The following C2orf49 variants were observed in gnomAD, a reference collection of about 807,000 sequenced individuals.
The protein encoded by C2orf49 is tRNA-splicing ligase complex subunit ASW.
A neutral mutation model predicts 20.6 loss-of-function variants in C2orf49; 11 were observed. The ratio of observed to expected loss-of-function variants is 0.53; its 90% confidence interval spans 0.34 to 0.88. C2orf49 has a LOEUF of 0.88. Ranked by LOEUF, C2orf49 falls within the 40% of genes least tolerant of loss-of-function variation. The probability of loss-of-function intolerance (pLI) is 0.02; values close to 1 mark genes in which losing one functional copy is unlikely to be tolerated. For missense variants in C2orf49, 289 were observed against 274.2 expected (o/e 1.05, Z -0.38); for synonymous variants, 134 against 108.5 (o/e 1.24, Z -1.46).
At position 105,345,353 on chromosome 2, in the gene C2orf49, A is replaced by C; in HGVS notation, c.681A>C (p.Gln227His). The C allele has an allele frequency of 1.2e-6, 2 of 1,613,402 alleles. No individual in the cohort carries two copies. Among genetic ancestry groups the C allele is most frequent in the Non-Finnish European group, 1.7e-6 (2 of 1,179,792 alleles). Reference sequence around the variant, plus strand: ...CCCCACAAGCAAAAAGGAAGATACAACATGTTACTTGGCCCTGAAGAAAAG... The same window carrying C: ...CCCCACAAGCAAAAAGGAAGATACACCATGTTACTTGGCCCTGAAGAAAAG... The part of the protein sequence containing the change: ...LKPPQAKRKI[Q>H]HVTWP Residue 227 changes from glutamine to histidine, a missense_variant, in exon 4 of 4, where the codon CAA becomes CAC. By Grantham distance (24) the Gln-to-His change is conservative. Coordinates refer to ENST00000258457, the MANE Select transcript of C2orf49 (RefSeq NM_024093.3).
At chr2:105,352,669 C>T (rs756944310), downstream of C2orf49, among the ~76,000 whole-genome samples, 18 of 152,004 alleles carry the variant, frequency 1.2e-4, no homozygotes, top group Non-Finnish European at 2.6e-4. Context: ...TGTTCTCGAT[C>T]TCCTGACCTT....
intron 3 of C2orf49, among the ~76,000 whole-genome samples, chr2:105,344,018 G>A (rs1679745588): frequency 6.6e-6 from 1 of 152,012 alleles, no homozygotes; most frequent in African/African-American, 2.4e-5. Context: ...TTCTAAAATA[G>A]TAGACTGGAA....
intron 2 of C2orf49, among the ~76,000 whole-genome samples, chr2:105,342,224 T>C (rs991535603): frequency 6.6e-6 from 1 of 152,258 alleles, no homozygotes; most frequent in Non-Finnish European, 1.5e-5. Flanking sequence ...ATAGATATTA[T>C]CTGAGGTATA....
the C2orf49 span, among the ~76,000 whole-genome samples, chr2:105,356,203 C>G: frequency 6.6e-6 from 1 of 152,244 alleles, no homozygotes; most frequent in South Asian, 2.1e-4. Context: ...CGAGCCTGGC[C>G]AACGTGGTGA....
the C2orf49 span, chr2:105,377,829 G>GT: frequency 2.9e-6 from 1 of 344,000 alleles, no homozygotes; most frequent in South Asian, 2.3e-5. Flanking sequence ...TAGGCGCCAG[G>GT]GAGAGGGGAG....
At chr2:105,370,779 C>T in the C2orf49 span, among the ~76,000 whole-genome samples, 13 of 152,162 alleles carry the variant, frequency 8.5e-5, no homozygotes, top group Non-Finnish European at 1.8e-4. Context: ...TTCTTCTAGA[C>T]GCCCTGCCTT....
At position 105,337,652 on chromosome 2, in the gene C2orf49, T is replaced by G; in HGVS notation, c.65T>G (p.Leu22Arg). 1 of 1,474,812 alleles carries G rather than the reference T, an allele frequency of 6.8e-7. No individual in the cohort carries two copies. Among genetic ancestry groups the G allele is most frequent in the South Asian group, 1.1e-5 (1 of 89,188 alleles). The allele number at this position is 1,474,812 out of a possible 1,614,324, so 91.4% of individuals were successfully genotyped here. A position where few individuals can be genotyped will look rare whatever the true frequency, so the allele number is the denominator to read the frequency against. The change falls in exon 1 of 4, where the codon CTG becomes CGG. Residue 22 changes from leucine to arginine, a missense_variant. Physicochemically the swap from Leu to Arg is moderately radical, Grantham distance 102. Coordinates refer to ENST00000258457, the MANE Select transcript of C2orf49 (RefSeq NM_024093.3). ...GAACTGCTGCTGCACCCGGAGCTGC[T>G]GTCCCAGGAGTTCCTTCTCCTCACT... ...DSELLLHPEL[L>R]SQEFLLLTLE... is the part of the protein sequence containing the mutation.
chr2:105,344,445 A>G (rs1449546979), intron 3 of C2orf49, among the ~76,000 whole-genome samples: 3 of 150,856 alleles, frequency 2.0e-5, no homozygotes. Context: ...GATATGAGAT[A>G]TATATATATA....
At chr2:105,371,836 C>A in the C2orf49 span, among the ~76,000 whole-genome samples, 4 of 152,132 alleles carry the variant, frequency 2.6e-5, no homozygotes, top group Non-Finnish European at 5.9e-5. Flanking sequence ...CTTATTGTTA[C>A]TGAGTGTTGT....
chr2:105,372,962 C>T, the C2orf49 span, among the ~76,000 whole-genome samples: 1 of 152,206 alleles, frequency 6.6e-6, no homozygotes, highest in African/African-American at 2.4e-5. Flanking sequence ...TAACTCCCCC[C>T]ACATACACAC....
intron 2 of C2orf49, among the ~76,000 whole-genome samples, chr2:105,340,559 G>A (rs989046146): frequency 6.6e-6 from 1 of 152,100 alleles, no homozygotes; most frequent in Non-Finnish European, 1.5e-5. Flanking sequence ...AGTCAAGTCA[G>A]GTAAAACTCT....
At chr2:105,356,962 G>A in the C2orf49 span, among the ~76,000 whole-genome samples, 1 of 151,734 alleles carries the variant, frequency 6.6e-6, no homozygotes, top group Non-Finnish European at 1.5e-5. Context: ...TTTTTAAGAA[G>A]GTCTCACTAT....
the C2orf49 span, chr2:105,376,577 G>C: frequency 7.9e-5 from 12 of 152,314 alleles, no homozygotes; most frequent in African/African-American, 2.6e-4. Context: ...TGGAAGAAAT[G>C]CATTAAGAAT....
At chr2:105,368,098 A>G in the C2orf49 span, among the ~76,000 whole-genome samples, 1 of 152,234 alleles carries the variant, frequency 6.6e-6, no homozygotes, top group African/African-American at 2.4e-5. Flanking sequence ...CCCATGGAGC[A>G]TGACTTTTGG....
Position 105,343,128 on chromosome 2 carries a change from C to T in C2orf49, c.547C>T (p.Pro183Ser). Residue 183 changes from proline (P) to serine (S), a missense_variant, in exon 3 of 4, where the codon CCT (proline) becomes TCT (serine). By Grantham distance (74) the Pro-to-Ser change is moderately conservative. Transcript: ENST00000258457. Reference protein sequence around the residue: ...QNHDLTHRKSPSGPVKSPPLS... With the variant: ...QNHDLTHRKSSSGPVKSPPLS... ...CCATGACTTAACGCATAGGAAAAGT[C>T]CTTCAGGCCCTGTGAAGTCGCCACC... 6.2e-7 allele frequency: 1 copy of T among 1,614,192 alleles called. No individual in the cohort carries two copies. The highest frequency in any genetic ancestry group is 8.5e-7 in the Non-Finnish European group (1 of 1,180,040).
the C2orf49 span, among the ~76,000 whole-genome samples, chr2:105,354,642 G>A: frequency 6.7e-6 from 1 of 150,152 alleles, no homozygotes. Flanking sequence ...CTCCAGCCTG[G>A]GCGACAACAG....
intron 3 of C2orf49, among the ~76,000 whole-genome samples, chr2:105,344,333 C>A (rs538921895): frequency 6.6e-6 from 1 of 152,120 alleles, no homozygotes; most frequent in South Asian, 2.1e-4. Context: ...AACAATAAAG[C>A]CACATCTCAA....
the C2orf49 span, among the ~76,000 whole-genome samples, chr2:105,383,720 T>C: frequency 1.3e-5 from 2 of 152,230 alleles, no homozygotes; most frequent in African/African-American, 2.4e-5. Context: ...TTGTGGGCTT[T>C]ACTTCCAGAA....
chr2:105,340,635 A>T lies in C2orf49; in HGVS notation c.266+886A>T, dbSNP rs562779847. On this transcript the variant is annotated intron_variant, in intron 2 of 3. Coordinates refer to ENST00000258457, the MANE Select transcript of C2orf49 (RefSeq NM_024093.3). ...AGCTTAAGTTATGCTATTTAAAATT[A>T]TTTAATTTCAAAAACAGTTTTATAA... Among the ~76,000 whole-genome samples, 28 of 152,356 alleles carry T rather than the reference A, an allele frequency of 1.8e-4. 1 individual carries two copies. The South Asian group carries it at 5.2e-3, about 28-fold the overall frequency.
Sources: allele counts gnomAD v4.1 joint callset (sites outside exome capture counted in the v4.1 genomes callset), GRCh38; gene constraint gnomAD v4.1.1; transcripts MANE v1.5; gene names NCBI Gene and HGNC (gene_info 2026-07-23, HGNC 2026-07-21).